The following AGMO variants were observed in gnomAD, a reference collection of about 807,000 sequenced individuals.
The protein encoded by AGMO is alkylglycerol monooxygenase.
Under a neutral mutation model 60.2 loss-of-function variants are expected in AGMO, and 75 were observed. The observed-to-expected ratio is 1.25, with a 90% confidence interval of 1.03 to 1.51. The LOEUF (loss-of-function observed/expected upper bound fraction) is 1.51. AGMO is among the 40% of genes most tolerant of loss of function. The pLI is 0.00. For synonymous variants in AGMO, 261 were observed against 177.1 expected (o/e 1.47, Z -3.76); for missense variants, 763 against 525.5 (o/e 1.45, Z -4.42).
intron 12 of AGMO, among the ~76,000 whole-genome samples, 179 bp downstream of exon 12, chr7:15,365,335 C>T (rs1381023311): frequency 8.8e-6 from 1 of 114,044 alleles, no homozygotes; most frequent in Non-Finnish European, 1.7e-5. Context: ...TGTGGCTCAG[C>T]AATATTAACT....
chr7:15,516,906 G>A (rs1783822243), intron 3 of AGMO, among the ~76,000 whole-genome samples: 1 of 151,932 alleles, frequency 6.6e-6, no homozygotes, highest in East Asian at 1.9e-4. Context: ...ACATTTGCTT[G>A]TATAGAATAA....
intron 12 of AGMO, among the ~76,000 whole-genome samples, chr7:15,351,392 G>A (rs1782238635): frequency 6.6e-6 from 1 of 152,118 alleles, no homozygotes; most frequent in African/African-American, 2.4e-5. Flanking sequence ...GGTAGTTCAG[G>A]AAGCTAAACC....
At chr7:15,151,280 C>T in the AGMO span, among the ~76,000 whole-genome samples, 5 of 151,954 alleles carry the variant, frequency 3.3e-5, no homozygotes, top group African/African-American at 7.2e-5. Flanking sequence ...ACAAACTTTT[C>T]GTTTCAGTGA....
rs200555224 is a variant in AGMO, at chr7:15,365,591, G to T, written c.1186C>A (p.Arg396Ser). The T allele has an allele frequency of 1.9e-6, 3 of 1,612,298 alleles. No homozygotes were observed. In the African/African-American group the frequency reaches 4.0e-5, roughly 22 times the overall value. Residue 396 changes from arginine (R) to serine (S), a missense_variant, in exon 12 of 13, where the codon CGT (arginine) becomes AGT (serine). Arg to Ser is a moderately radical substitution (Grantham distance 110). Transcript: ENST00000342526. ...TACAGCATTAAGAACATCAAGCAAC[G>T]GAGAGTTTCCATAATAGCTGCCTTG... Reference protein sequence around the residue: ...RPKAAIMETLRCLMFLMLYRF... With the variant: ...RPKAAIMETLSCLMFLMLYRF...
At chr7:15,468,583 G>T (rs1386020476) in intron 3 of AGMO, among the ~76,000 whole-genome samples, 2 of 152,080 alleles carry the variant, frequency 1.3e-5, no homozygotes, top group Non-Finnish European at 2.9e-5. Context: ...TGATTTTGTT[G>T]TAAATTTGAT....
the AGMO span, among the ~76,000 whole-genome samples, chr7:15,185,923 CATA>C: frequency 9.2e-5 from 14 of 152,190 alleles, no homozygotes; most frequent in Non-Finnish European, 1.6e-4. Context: ...AGCTCTGCCT[CATA>C]ATGATTTTCA....
At chr7:15,495,533 G>C (rs1245607641) in intron 3 of AGMO, among the ~76,000 whole-genome samples, 1 of 152,128 alleles carries the variant, frequency 6.6e-6, no homozygotes, top group African/African-American at 2.4e-5. Context: ...GTAACTAGCA[G>C]GGAAAGTGTG....
chr7:15,186,924 GAGA>G, the AGMO span, among the ~76,000 whole-genome samples: 1 of 152,184 alleles, frequency 6.6e-6, no homozygotes, highest in African/African-American at 2.4e-5. Flanking sequence ...AAAAATTGGA[GAGA>G]AAGAATACGT....
intron 12 of AGMO, among the ~76,000 whole-genome samples, chr7:15,336,429 GAA>G (rs944902139): frequency 1.4e-5 from 2 of 141,988 alleles, no homozygotes; most frequent in Admixed American, 6.9e-5. Context: ...AAAAAAAAAA[GAA>G]AAAAAAACAC....
intron 12 of AGMO, among the ~76,000 whole-genome samples, chr7:15,241,397 T>G (rs1246343075): frequency 7.1e-6 from 1 of 140,544 alleles, no homozygotes; most frequent in African/African-American, 2.7e-5. Flanking sequence ...GAGGCGGAGC[T>G]TGCAGTGAGC....
chr7:15,434,043 T>C (rs991034453), intron 3 of AGMO, among the ~76,000 whole-genome samples: 5 of 152,242 alleles, frequency 3.3e-5, no homozygotes, highest in Admixed American at 6.6e-5. Context: ...AGCTGTTTAA[T>C]GATTACTGCA....
chr7:15,298,355 T>C (rs1287912203), intron 12 of AGMO, among the ~76,000 whole-genome samples: 1 of 152,130 alleles, frequency 6.6e-6, no homozygotes, highest in Non-Finnish European at 1.5e-5. Flanking sequence ...AACTGTATCC[T>C]CTAATTATCT....
the AGMO span, among the ~76,000 whole-genome samples, chr7:15,180,718 C>T: frequency 5.3e-3 from 804 of 152,328 alleles, 6 homozygotes; most frequent in Non-Finnish European, 6.9e-3. Context: ...GCTGTTTCCA[C>T]ATTTGCAGGT....
intron 10 of AGMO, among the ~76,000 whole-genome samples, chr7:15,368,469 A>T (rs1204979827): frequency 6.6e-6 from 1 of 152,140 alleles, no homozygotes; most frequent in African/African-American, 2.4e-5. Context: ...CTCTTTAAGA[A>T]CACAGAATTT....
At chr7:15,247,106 G>GA (rs942084617) in intron 12 of AGMO, among the ~76,000 whole-genome samples, 1 of 151,208 alleles carries the variant, frequency 6.6e-6, no homozygotes. Context: ...TGCCCAGCCT[G>GA]AAAAAAATTT....
intron 3 of AGMO, among the ~76,000 whole-genome samples, chr7:15,502,597 C>A (rs1783415062): frequency 6.6e-6 from 1 of 151,760 alleles, no homozygotes; most frequent in African/African-American, 2.4e-5. Context: ...GTAAGGGCCA[C>A]CCTAGGAAAT....
intron 3 of AGMO, among the ~76,000 whole-genome samples, chr7:15,466,986 AAAAAT>A (rs1157078482): frequency 2.0e-5 from 3 of 152,178 alleles, no homozygotes; most frequent in Non-Finnish European, 1.5e-5. Flanking sequence ...GACAAATTAG[AAAAAT>A]AAAACAGTAT....
chr7:15,361,989 C>T (rs1275654148), intron 12 of AGMO, among the ~76,000 whole-genome samples: 2 of 152,074 alleles, frequency 1.3e-5, no homozygotes, highest in East Asian at 1.9e-4. Context: ...GCTTCACTGA[C>T]ATTGATTCTA....
chr7:15,178,965 G>A, the AGMO span, among the ~76,000 whole-genome samples: 1 of 152,072 alleles, frequency 6.6e-6, no homozygotes, highest in African/African-American at 2.4e-5. Flanking sequence ...GACAGAATTT[G>A]TCCTTTTATA....
Sources: gnomAD v4.1 joint callset for allele counts (sites outside exome capture counted in the v4.1 genomes callset) on GRCh38, gnomAD v4.1.1 for gene constraint, MANE v1.5 for transcripts, NCBI Gene and HGNC (gene_info 2026-07-23, HGNC 2026-07-21) for gene names.